IGF2BP3: variants seen among roughly 807,000 people sequenced by gnomAD.
The protein encoded by IGF2BP3 is insulin-like growth factor 2 mRNA-binding protein 3.
Under a neutral mutation model 73.8 loss-of-function variants are expected in IGF2BP3, and 9 were observed. That is an observed-to-expected ratio of 0.12 (90% CI 0.07 to 0.21). The LOEUF (loss-of-function observed/expected upper bound fraction) is 0.21, where lower values mean the gene tolerates loss of function less well. Ranked by LOEUF, IGF2BP3 falls within the 10% of genes least tolerant of loss-of-function variation. IGF2BP3 has a pLI of 1.00. For missense variants in IGF2BP3, 542 were observed against 714.0 expected (o/e 0.76, Z 2.75); for synonymous variants, 258 against 256.7 (o/e 1.01, Z -0.05).
At chr7:23,441,176 C>T (rs1787923372) in intron 2 of IGF2BP3, among the ~76,000 whole-genome samples, 1 of 152,110 alleles carries the variant, frequency 6.6e-6, no homozygotes, top group African/African-American at 2.4e-5. Flanking sequence ...ATCTGATTTA[C>T]TTCTAACAAG....
intron 10 of IGF2BP3, among the ~76,000 whole-genome samples, chr7:23,339,422 T>C (rs188563534): frequency 6.1e-4 from 93 of 152,332 alleles, no homozygotes; most frequent in Middle Eastern, 3.4e-3. Context: ...CACAGAACTA[T>C]ACCATAAGTC....
intron 12 of IGF2BP3, among the ~76,000 whole-genome samples, chr7:23,314,079 G>A (rs914708616): frequency 1.3e-5 from 2 of 152,124 alleles, no homozygotes; most frequent in African/African-American, 4.8e-5. Flanking sequence ...GAGTGCAATG[G>A]TACAATCATA....
chr7:23,328,893 T>C (rs1438682594), intron 10 of IGF2BP3, among the ~76,000 whole-genome samples: 4 of 151,998 alleles, frequency 2.6e-5, no homozygotes, highest in Admixed American at 6.5e-5. Context: ...ACATATTCTA[T>C]GAGTAAAAAA....
intron 2 of IGF2BP3, among the ~76,000 whole-genome samples, chr7:23,456,697 A>G (rs1788327042): frequency 6.6e-6 from 1 of 152,198 alleles, no homozygotes; most frequent in African/African-American, 2.4e-5. Flanking sequence ...CTCACTGCAC[A>G]CTTCATTGAA....
intron 5 of IGF2BP3, among the ~76,000 whole-genome samples, chr7:23,354,136 G>T (rs2128505770): frequency 6.6e-6 from 1 of 152,290 alleles, no homozygotes; most frequent in African/African-American, 2.4e-5. Flanking sequence ...TGGGATTACA[G>T]GCGCACGCCA....
At chr7:23,394,116 A>G (rs1224172929) in intron 3 of IGF2BP3, among the ~76,000 whole-genome samples, 2 of 152,190 alleles carry the variant, frequency 1.3e-5, no homozygotes, top group Non-Finnish European at 2.9e-5. Flanking sequence ...AATCTAGTTC[A>G]CACAACAAGG....
In IGF2BP3 at chr7:23,400,857, A is replaced by C. The variant is rs149425376; in HGVS notation, c.285+17919T>G. ...CTCTGTGGCCTAGGCTGGAGTGCAG[A>C]GGCACGATCTTGGCCCACTGCAGTA... On this transcript the variant is annotated intron_variant, in intron 3 of 14. Transcript: ENST00000258729. Among the ~76,000 whole-genome samples, 461 of 152,338 alleles carry C rather than the reference A, an allele frequency of 3.0e-3. 4 individuals are homozygous for C. Among genetic ancestry groups the C allele is most frequent in the African/African-American group, 0.011 (438 of 41,586 alleles).
At chr7:23,316,238 G>A (rs373249981) in intron 12 of IGF2BP3, among the ~76,000 whole-genome samples, 4 of 152,146 alleles carry the variant, frequency 2.6e-5, no homozygotes, top group East Asian at 1.9e-4. Context: ...ATAAGTGAAA[G>A]CAGCTTTGGG....
At chr7:23,324,215 A>C (rs1428094365) in intron 10 of IGF2BP3, among the ~76,000 whole-genome samples, 7 of 151,150 alleles carry the variant, frequency 4.6e-5, no homozygotes, top group African/African-American at 1.7e-4. Flanking sequence ...TCAAATAGAC[A>C]CAATAAAAAA....
At chr7:23,373,662 T>C (rs533124133) in intron 3 of IGF2BP3, among the ~76,000 whole-genome samples, 8 of 152,264 alleles carry the variant, frequency 5.3e-5, no homozygotes, top group Admixed American at 1.3e-4. Flanking sequence ...AAATTAAAAA[T>C]AGACCTACCA....
intron 2 of IGF2BP3, among the ~76,000 whole-genome samples, chr7:23,445,789 C>T (rs1788051426): frequency 6.6e-6 from 1 of 152,102 alleles, no homozygotes; most frequent in Non-Finnish European, 1.5e-5. Flanking sequence ...AAGTGACATA[C>T]ACAACATACA....
chr7:23,391,190 C>A lies in IGF2BP3; in HGVS notation c.285+27586G>T, dbSNP rs188211022. On this transcript the variant is annotated intron_variant, in intron 3 of 14. Coordinates refer to ENST00000258729, the MANE Select transcript of IGF2BP3 (RefSeq NM_006547.3). ...TCTTGGCTCACTGCAACCTCCACCC[C>A]CTGGGTTCAAGCGATTCTTGTGCCT... 6.1e-4 allele frequency among the ~76,000 whole-genome samples: 93 copies of A among 151,714 alleles called. 1 individual carries two copies. The East Asian group carries it at 0.013, about 21-fold the overall frequency.
At chr7:23,371,139 A>G (rs1785529896) in intron 3 of IGF2BP3, among the ~76,000 whole-genome samples, 3 of 150,262 alleles carry the variant, frequency 2.0e-5, no homozygotes, top group Non-Finnish European at 2.9e-5. Context: ...TACTTGCCCC[A>G]ACAAACACCT....
chr7:23,392,912 T>C (rs1240070838), intron 3 of IGF2BP3, among the ~76,000 whole-genome samples: 1 of 152,178 alleles, frequency 6.6e-6, no homozygotes, highest in Non-Finnish European at 1.5e-5. Flanking sequence ...ATTACAGGCA[T>C]GAGCCACTGT....
chr7:23,370,802 C>T lies in IGF2BP3; in HGVS notation c.286-9061G>A, dbSNP rs979603273. On this transcript the variant is annotated intron_variant, in intron 3 of 14. Transcript: ENST00000258729. ...AAGCCATTCTACCACCTCAGCCTCC[C>T]GAGAAGCTGGGATTACAGGCGTGTG... 3.3e-5 allele frequency among the ~76,000 whole-genome samples: 5 copies of T among 152,128 alleles called. No individual in the cohort carries two copies. The East Asian group carries it at 5.8e-4, about 18-fold the overall frequency.
chr7:23,402,080 G>A (rs1786684644), intron 3 of IGF2BP3, among the ~76,000 whole-genome samples: 1 of 152,176 alleles, frequency 6.6e-6, no homozygotes, highest in South Asian at 2.1e-4. Context: ...TTGCACCACT[G>A]CGCTCCAGCC....
rs147040841 is a variant in IGF2BP3 at position 23,419,003 on chromosome 7, A to C, written c.237-179T>G. ...AAAGAAGCAAAGTCATAAAATGCAT[A>C]GAGACCATTTGGAGATCCAGCATTT... On this transcript the variant is annotated intron_variant, in intron 2 of 14. Coordinates refer to ENST00000258729, the MANE Select transcript of IGF2BP3 (RefSeq NM_006547.3). Among the ~76,000 whole-genome samples, 6 of 152,364 alleles carry C rather than the reference A, an allele frequency of 3.9e-5. No individual in the cohort carries two copies. The East Asian group carries it at 1.2e-3, about 29-fold the overall frequency.
At chr7:23,382,378 T>C (rs1785940352) in intron 3 of IGF2BP3, among the ~76,000 whole-genome samples, 1 of 152,126 alleles carries the variant, frequency 6.6e-6, no homozygotes, top group Admixed American at 6.5e-5. Context: ...TAAAATGAAA[T>C]TTGATCTTAC....
At chr7:23,454,339 TCTTAA>T (rs1164362454) in intron 2 of IGF2BP3, among the ~76,000 whole-genome samples, 2 of 152,174 alleles carry the variant, frequency 1.3e-5, no homozygotes, top group Non-Finnish European at 1.5e-5. Flanking sequence ...AAGCACCAAT[TCTTAA>T]CTTATTCACA....
Sources: gnomAD v4.1 joint callset for allele counts (sites outside exome capture counted in the v4.1 genomes callset) on GRCh38, gnomAD v4.1.1 for gene constraint, MANE v1.5 for transcripts, NCBI Gene and HGNC (gene_info 2026-07-23, HGNC 2026-07-21) for gene names.